Variants in IKZF1 observed in about 807,000 individuals in gnomAD.
The protein encoded by IKZF1 is DNA-binding protein Ikaros.
IKZF1 carries 10 observed loss-of-function variants against 51.7 expected under a neutral mutation model. The observed-to-expected ratio is 0.19, with a 90% CI of 0.12 to 0.33. The LOEUF is 0.33. Among genes scored for constraint, IKZF1 ranks in the 10% least tolerant of loss-of-function variants. IKZF1 has a pLI of 1.00. For synonymous variants in IKZF1, 280 were observed against 282.3 expected (o/e 0.99, Z 0.08); for missense variants, 484 against 707.5 (o/e 0.68, Z 3.58).
chr7:50,398,900 G>A (rs1817395892), intron 7 of IKZF1, among the ~76,000 whole-genome samples: 1 of 152,160 alleles, frequency 6.6e-6, no homozygotes, highest in Admixed American at 6.5e-5. Context: ...CTGAACTTAT[G>A]ACCAACATAT....
intron 3 of IKZF1, among the ~76,000 whole-genome samples, chr7:50,339,105 CT>C (rs1798451812): frequency 6.6e-6 from 1 of 152,046 alleles, no homozygotes; most frequent in African/African-American, 2.4e-5. Flanking sequence ...AAGGCTTTTT[CT>C]TTTTGAGAGC....
Position 50,400,676 on chromosome 7 carries a change from A to G in IKZF1, c.*49A>G, listed in dbSNP as rs768696901. On this transcript the variant is annotated 3_prime_UTR_variant, in exon 8 of 8. Transcript: ENST00000331340. The surrounding 1 kb of genome is among the most constrained non-coding windows in gnomAD (Gnocchi z 5.4). ...GACCCCGAGCCACCCCAGGAAAAGC[A>G]CAAGGACTGCCGCCTTCTCGCTCCC... The G allele has an allele frequency of 1.9e-6, 3 of 1,557,030 alleles. No individual in the cohort carries two copies. The highest frequency in any genetic ancestry group is 2.3e-5 in the South Asian group (2 of 86,630).
Position 50,400,360 on chromosome 7 carries a change from G to A in IKZF1, c.1293G>A (p.Glu431=), listed in dbSNP as rs769419033. 5.6e-6 allele frequency: 9 copies of A among 1,612,874 alleles called. No homozygotes were observed. The East Asian group carries it at 1.8e-4, about 32-fold the overall frequency. The part of the protein sequence containing the change: ...HARNGLSLKE[E]HRAYDLLRAA... Reference sequence around the variant, plus strand: ...GCAACGGGCTGTCGCTCAAGGAGGAGCACCGCGCCTACGACCTGCTGCGCG... The same window carrying A: ...GCAACGGGCTGTCGCTCAAGGAGGAACACCGCGCCTACGACCTGCTGCGCG... The change falls in exon 8 of 8, where the codon GAG becomes GAA. Residue 431 remains glutamate, a synonymous_variant. Transcript: ENST00000331340. The surrounding 1 kb of genome is among the most constrained non-coding windows in gnomAD (Gnocchi z 5.4).
In IKZF1 at chr7:50,401,481, AC is replaced by A; in HGVS notation, c.*855del. The A allele has an allele frequency of 4.5e-6, 1 of 224,590 alleles. No homozygotes were observed. The highest frequency in any genetic ancestry group is 8.9e-6 in the Non-Finnish European group (1 of 112,502). 13.9% of individuals were successfully genotyped at this position (224,590 alleles called of 1,614,324 possible). A position where few individuals can be genotyped will look rare whatever the true frequency, so the allele number is the denominator to read the frequency against. On this transcript the variant is annotated 3_prime_UTR_variant, in exon 8 of 8. Transcript: ENST00000331340. ...CCTTTAATGGCCCCCAAAATCTGTCACTACAATTTAAACACCAGTCCCGAAA... is the reference window on the plus strand; with the variant it reads ...CCTTTAATGGCCCCCAAAATCTGTCATACAATTTAAACACCAGTCCCGAAA...
chr7:50,347,638 A>G (rs954711606), intron 3 of IKZF1, among the ~76,000 whole-genome samples: 1 of 152,082 alleles, frequency 6.6e-6, no homozygotes, highest in Non-Finnish European at 1.5e-5. Context: ...TGTCTGTCCA[A>G]TTTTTAATTG....
At position 50,313,074 on chromosome 7, in the gene IKZF1, T is replaced by A. The variant is rs146877739; in HGVS notation, c.-14-5974T>A. Among the ~76,000 whole-genome samples, 44 of 152,378 alleles carry A rather than the reference T, an allele frequency of 2.9e-4. No individual in the cohort carries two copies. The East Asian group carries it at 8.5e-3, about 29-fold the overall frequency. On this transcript the variant is annotated intron_variant, in intron 1 of 7. Transcript: ENST00000331340. ...TTGTTACGAAAACCTATAAGGTCTC[T>A]TTGACTAGATACAAAGACTTTGCAC...
intron 3 of IKZF1, among the ~76,000 whole-genome samples, chr7:50,339,465 G>T (rs1798567562): frequency 6.6e-6 from 1 of 152,068 alleles, no homozygotes; most frequent in Non-Finnish European, 1.5e-5. Context: ...ATTAGAAAAG[G>T]ATTTGGCCAG....
chr7:50,349,892 T>A (rs1338037023), intron 3 of IKZF1, among the ~76,000 whole-genome samples: 1 of 152,226 alleles, frequency 6.6e-6, no homozygotes, highest in African/African-American at 2.4e-5. Context: ...GCACCCTCCA[T>A]GCAAAGTTTC....
chr7:50,314,312 G>A (rs895523997), intron 1 of IKZF1, among the ~76,000 whole-genome samples: 4 of 152,034 alleles, frequency 2.6e-5, no homozygotes, highest in African/African-American at 4.8e-5. Context: ...GGGTTTCGCC[G>A]TGTTAGCCAG....
chr7:50,345,489 A>G (rs1562787701), intron 3 of IKZF1, among the ~76,000 whole-genome samples: 1 of 152,182 alleles, frequency 6.6e-6, no homozygotes, highest in Non-Finnish European at 1.5e-5. Flanking sequence ...GAGTGGTGTC[A>G]GCACTCCAGA....
At chr7:50,361,809 G>T (rs1805332936) in intron 3 of IKZF1, among the ~76,000 whole-genome samples, 3 of 152,214 alleles carry the variant, frequency 2.0e-5, no homozygotes, top group Non-Finnish European at 4.4e-5. Context: ...CCGGGAGGAG[G>T]AGGTTGCAGT....
At chr7:50,328,379 A>G (rs1795621491) in intron 3 of IKZF1, 1 of 152,258 alleles carries the variant, frequency 6.6e-6, no homozygotes, top group Admixed American at 6.5e-5. Flanking sequence ...CTTTATTTCA[A>G]GAAACCAAAG....
Position 50,403,561 on chromosome 7 carries a change from T to C in IKZF1, c.*2934T>C. ...GGATGTGGAAAGCCTGGATCTCAGC[T>C]CCTTGCCCCATATCCCTTCTGTAAT... On this transcript the variant is annotated 3_prime_UTR_variant, in exon 8 of 8. Transcript: ENST00000331340. 4.3e-6 allele frequency: 1 copy of C among 229,938 alleles called. No individual in the cohort carries two copies. Among genetic ancestry groups the C allele is most frequent in the South Asian group, 1.8e-4 (1 of 5,500 alleles). 14.2% of individuals were successfully genotyped at this position (229,938 alleles called of 1,614,324 possible).
At chr7:50,358,121 G>T (rs554447195) in intron 3 of IKZF1, among the ~76,000 whole-genome samples, 33 of 152,310 alleles carry the variant, frequency 2.2e-4, no homozygotes, top group African/African-American at 7.5e-4. Context: ...TTGTAAATGG[G>T]AAGAGTGTGT....
Position 50,400,739 on chromosome 7 carries a change from T to G in IKZF1, c.*112T>G. The G allele has an allele frequency of 7.7e-7, 1 of 1,296,786 alleles. No homozygotes were observed. The highest frequency in any genetic ancestry group is 1.4e-5 in the South Asian group (1 of 72,478). 80.3% of individuals were successfully genotyped at this position (1,296,786 alleles called of 1,614,324 possible). On this transcript the variant is annotated 3_prime_UTR_variant, in exon 8 of 8. Transcript: ENST00000331340. The surrounding 1 kb of genome is among the most constrained non-coding windows in gnomAD (Gnocchi z 5.4). Reference sequence around the variant, plus strand: ...GACTGGACTGGACCAGACAATGTTGTGTTTGGATTTGTAACTGTTTTTTGT... The same window carrying G: ...GACTGGACTGGACCAGACAATGTTGGGTTTGGATTTGTAACTGTTTTTTGT...
At chr7:50,364,668 A>G (rs1806298734) in intron 3 of IKZF1, among the ~76,000 whole-genome samples, 1 of 152,230 alleles carries the variant, frequency 6.6e-6, no homozygotes. Flanking sequence ...AGAGTGAGAA[A>G]AAGCAGGTTG....
chr7:50,347,224 C>T (rs1800599667), intron 3 of IKZF1, among the ~76,000 whole-genome samples: 1 of 152,096 alleles, frequency 6.6e-6, no homozygotes, highest in South Asian at 2.1e-4. Flanking sequence ...CATGAGATGC[C>T]TAGTTAAAAA....
intron 3 of IKZF1, among the ~76,000 whole-genome samples, chr7:50,363,936 A>G (rs1020438757): frequency 3.3e-5 from 5 of 152,222 alleles, no homozygotes; most frequent in Non-Finnish European, 5.9e-5. Context: ...AGGCATTGCC[A>G]AGGTACCACA....
chr7:50,303,991 C>A (rs1788159980), upstream of IKZF1: 2 of 145,012 alleles, frequency 1.4e-5, no homozygotes, highest in East Asian at 2.0e-4. This position sits in a 1 kb window ranked among gnomAD's most constrained non-coding sequence, Gnocchi z 4.7. Context: ...CGCGATGCTG[C>A]GCTGGAATGA....
Sources: allele counts gnomAD v4.1 joint callset (sites outside exome capture counted in the v4.1 genomes callset), GRCh38; gene constraint gnomAD v4.1.1; non-coding constraint Gnocchi (gnomAD v3.1); transcripts MANE v1.5; gene names NCBI Gene and HGNC (gene_info 2026-07-23, HGNC 2026-07-21).